The following MACROD2 variants were observed in gnomAD, a reference collection of about 807,000 sequenced individuals.
The protein encoded by MACROD2 is ADP-ribose glycohydrolase MACROD2.
In MACROD2, 36 loss-of-function variants were observed where a neutral mutation model predicts 70.4. That is an observed-to-expected ratio of 0.51 (90% CI 0.39 to 0.68). The LOEUF (loss-of-function observed/expected upper bound fraction) is 0.68. Among genes scored for constraint, MACROD2 ranks in the 30% least tolerant of loss-of-function variants. The probability of loss-of-function intolerance (pLI) is 0.00; values close to 1 mark genes in which losing one functional copy is unlikely to be tolerated. For missense variants in MACROD2, 496 were observed against 538.4 expected (o/e 0.92, Z 0.78); for synonymous variants, 172 against 178.8 (o/e 0.96, Z 0.30).
intron 7 of MACROD2, among the ~76,000 whole-genome samples, chr20:15,467,876 T>C (rs894211083): frequency 2.0e-5 from 3 of 152,182 alleles, no homozygotes; most frequent in Non-Finnish European, 4.4e-5. Flanking sequence ...TTCTAATTTG[T>C]ATGAAGTTCT....
chr20:15,737,812 G>A (rs1568533209), intron 8 of MACROD2, among the ~76,000 whole-genome samples: 1 of 152,048 alleles, frequency 6.6e-6, no homozygotes, highest in Non-Finnish European at 1.5e-5. Flanking sequence ...TGAACCTTGG[G>A]GAATAGACAT....
chr20:15,191,122 T>G (rs1386435673), intron 5 of MACROD2, among the ~76,000 whole-genome samples: 1 of 151,992 alleles, frequency 6.6e-6, no homozygotes, highest in Non-Finnish European at 1.5e-5. Context: ...AATGAAGAAG[T>G]GGGGAGAGTG....
At chr20:16,014,291 T>C (rs1371120071) in intron 15 of MACROD2, among the ~76,000 whole-genome samples, 2 of 152,254 alleles carry the variant, frequency 1.3e-5, no homozygotes, top group African/African-American at 4.8e-5. Context: ...AAGCCTCAGC[T>C]TCTCACCTAC....
chr20:15,403,091 C>G lies in MACROD2; in HGVS notation c.541-28314C>G, dbSNP rs1191959082. ...AAGCGATTCTCCTGCCTTAGCCTCC[C>G]AAGTAGCTGGGATTATAGGCACCTG... On this transcript the variant is annotated intron_variant, in intron 6 of 17. Coordinates refer to ENST00000684519, the MANE Select transcript of MACROD2 (RefSeq NM_001351661.2). Among the ~76,000 whole-genome samples, 3 of 152,032 alleles carry G rather than the reference C, an allele frequency of 2.0e-5. No homozygotes were observed. The East Asian group carries it at 5.8e-4, about 29-fold the overall frequency.
rs141921747 is a variant in MACROD2, at chr20:15,805,754, G to T, written c.646-56991G>T. The stretch of plus-strand genomic sequence containing the variant: ...GCCTCCCAGAGTGCTGGGATTACAG[G>T]TGTGAGCCACCGCATCTGGCCAAAA... On this transcript the variant is annotated intron_variant, in intron 8 of 17. Transcript: ENST00000684519. Among the ~76,000 whole-genome samples the T allele has an allele frequency of 1.7e-3, 252 of 152,304 alleles. 1 individual carries two copies. The highest frequency in any genetic ancestry group is 5.3e-3 in the African/African-American group (221 of 41,570).
chr20:14,603,972 C>A (rs1390118170), intron 4 of MACROD2, among the ~76,000 whole-genome samples: 1 of 152,144 alleles, frequency 6.6e-6, no homozygotes, highest in Non-Finnish European at 1.5e-5. Flanking sequence ...TTCTCTGACC[C>A]TTTCCAATCT....
chr20:14,173,862 G>A (rs1354351200), intron 3 of MACROD2, among the ~76,000 whole-genome samples: 2 of 152,150 alleles, frequency 1.3e-5, no homozygotes. Flanking sequence ...CTTCCTGAGA[G>A]CCAAACTGCA....
chr20:15,382,827 A>T (rs2045661523), intron 6 of MACROD2, among the ~76,000 whole-genome samples: 1 of 152,194 alleles, frequency 6.6e-6, no homozygotes, highest in Admixed American at 6.5e-5. Context: ...GACAGGCCCT[A>T]GATTCTAGAG....
chr20:14,273,188 T>A (rs1275871342), intron 3 of MACROD2, among the ~76,000 whole-genome samples: 1 of 152,162 alleles, frequency 6.6e-6, no homozygotes, highest in African/African-American at 2.4e-5. Flanking sequence ...CAACAGAATG[T>A]ACATTTTTTT....
chr20:14,565,267 A>T (rs1211648007), intron 4 of MACROD2, among the ~76,000 whole-genome samples: 1 of 151,866 alleles, frequency 6.6e-6, no homozygotes, highest in Non-Finnish European at 1.5e-5. Flanking sequence ...GGTGATAGGT[A>T]CAACAAAAGC....
At chr20:15,777,507 TTCTTTCCTTCCTTCCTTCCTTCC>T (rs2051744454) in intron 8 of MACROD2, among the ~76,000 whole-genome samples, 4 of 71,564 alleles carry the variant, frequency 5.6e-5, no homozygotes, top group African/African-American at 8.4e-5. Flanking sequence ...CCTTCCTTCC[TTCTTTCCTTCCTTCCTTCCTTCC>T]TTCCTTCCTT....
At chr20:14,474,414 G>A (rs192693161) in intron 3 of MACROD2, among the ~76,000 whole-genome samples, 100 of 152,246 alleles carry the variant, frequency 6.6e-4, no homozygotes, top group Non-Finnish European at 1.1e-3. Flanking sequence ...CCTGGAAAAT[G>A]TTCCATATGC....
chr20:14,757,165 T>G (rs1367713365), intron 5 of MACROD2, among the ~76,000 whole-genome samples: 3 of 152,096 alleles, frequency 2.0e-5, no homozygotes, highest in African/African-American at 7.3e-5. Flanking sequence ...TCTTGTAGAG[T>G]TTTGTTTCCT....
intron 5 of MACROD2, among the ~76,000 whole-genome samples, chr20:15,045,537 T>C (rs2075386511): frequency 6.6e-6 from 1 of 152,174 alleles, no homozygotes; most frequent in South Asian, 2.1e-4. Context: ...CTTTCTTCCT[T>C]AGTTTGCCTT....
intron 8 of MACROD2, among the ~76,000 whole-genome samples, chr20:15,838,456 CA>C (rs2064137291): frequency 6.6e-6 from 1 of 152,154 alleles, no homozygotes; most frequent in Non-Finnish European, 1.5e-5. Flanking sequence ...CTGGATTGCA[CA>C]CATCCTTAAA....
intron 2 of MACROD2, among the ~76,000 whole-genome samples, chr20:14,066,922 C>T (rs1175733221): frequency 2.0e-5 from 3 of 149,872 alleles, no homozygotes; most frequent in Non-Finnish European, 3.0e-5. Context: ...TACCATTCTC[C>T]TGCCTCAGCC....
intron 5 of MACROD2, among the ~76,000 whole-genome samples, chr20:14,990,798 C>G (rs949324241): frequency 6.6e-6 from 1 of 152,168 alleles, no homozygotes; most frequent in African/African-American, 2.4e-5. Context: ...AGGTGTGAGC[C>G]ACCACGCCCG....
intron 5 of MACROD2, among the ~76,000 whole-genome samples, chr20:15,071,336 T>A (rs911413894): frequency 1.3e-5 from 2 of 152,210 alleles, no homozygotes; most frequent in African/African-American, 4.8e-5. Context: ...AGACAGTCCT[T>A]TGAAGGATCT....
At chr20:15,091,943 G>A (rs992721730) in intron 5 of MACROD2, among the ~76,000 whole-genome samples, 2 of 152,088 alleles carry the variant, frequency 1.3e-5, no homozygotes, top group South Asian at 2.1e-4. Flanking sequence ...GTATTTATAT[G>A]TTTTTAAATA....
Sources: gnomAD v4.1 joint callset for allele counts (sites outside exome capture counted in the v4.1 genomes callset) on GRCh38, gnomAD v4.1.1 for gene constraint, MANE v1.5 for transcripts, NCBI Gene and HGNC (gene_info 2026-07-23, HGNC 2026-07-21) for gene names.